DCLK1: variants seen among roughly 807,000 people sequenced by gnomAD.
DCLK1 encodes doublecortin like kinase 1.
A neutral mutation model predicts 86.2 loss-of-function variants in DCLK1; 16 were observed. That is an observed-to-expected ratio of 0.19 (90% confidence interval 0.13 to 0.28). The LOEUF (loss-of-function observed/expected upper bound fraction) is 0.28. Ranked by LOEUF, DCLK1 falls within the 10% of genes least tolerant of loss-of-function variation. DCLK1 has a pLI of 1.00. For missense variants in DCLK1, 590 were observed against 940.2 expected (o/e 0.63, Z 4.87); for synonymous variants, 369 against 370.5 (o/e 1.00, Z 0.05).
At chr13:36,120,543 C>T (rs144081090) in intron 2 of DCLK1, among the ~76,000 whole-genome samples, 27 of 152,236 alleles carry the variant, frequency 1.8e-4, no homozygotes, top group African/African-American at 6.5e-4. Context: ...ATGATGTTCC[C>T]ACAATGGCAA....
At chr13:35,946,915 T>G (rs193173121) in intron 4 of DCLK1, among the ~76,000 whole-genome samples, 202 of 152,272 alleles carry the variant, frequency 1.3e-3, no homozygotes, top group Non-Finnish European at 2.4e-3. Flanking sequence ...CCACATGAAT[T>G]CTACAGTATT....
chr13:35,972,467 C>T (rs1366191127), intron 3 of DCLK1, among the ~76,000 whole-genome samples: 1 of 152,080 alleles, frequency 6.6e-6, no homozygotes, highest in Admixed American at 6.5e-5. Context: ...ACATAGTATC[C>T]AATAACTATT....
chr13:35,911,692 G>A lies in DCLK1; in HGVS notation c.823+35666C>T, dbSNP rs571150085. On this transcript the variant is annotated intron_variant, in intron 4 of 16. Transcript: ENST00000360631. ...TTTGAAGTACAGCTGCTACTAGGAT[G>A]TGGATCTGAACAATTTCTTGTTCTG... Among the ~76,000 whole-genome samples, 3 of 152,324 alleles carry A rather than the reference G, an allele frequency of 2.0e-5. No individual in the cohort carries two copies. The South Asian group carries it at 6.2e-4, about 32-fold the overall frequency.
At chr13:36,032,182 C>T (rs1882309871) in intron 3 of DCLK1, among the ~76,000 whole-genome samples, 1 of 150,614 alleles carries the variant, frequency 6.6e-6, no homozygotes, top group African/African-American at 2.4e-5. Context: ...TGCTCTGTCG[C>T]CTAGGCAGGA....
At chr13:35,917,061 A>AC (rs1875459581) in intron 4 of DCLK1, among the ~76,000 whole-genome samples, 1 of 151,944 alleles carries the variant, frequency 6.6e-6, no homozygotes, top group African/African-American at 2.4e-5. Flanking sequence ...GCCTTGCTTA[A>AC]CCCCCCAGTT....
At chr13:35,864,654 C>T (rs1288858693) in intron 5 of DCLK1, among the ~76,000 whole-genome samples, 12 of 112,616 alleles carry the variant, frequency 1.1e-4, no homozygotes, top group African/African-American at 4.4e-4. Flanking sequence ...TTTCTTCTCT[C>T]TTTTTTTTTT....
chr13:35,897,303 T>A (rs1260105880), intron 4 of DCLK1, among the ~76,000 whole-genome samples: 2 of 151,952 alleles, frequency 1.3e-5, no homozygotes, highest in African/African-American at 4.8e-5. Flanking sequence ...AGCTGAGGAG[T>A]GCAAGGTTGC....
intron 5 of DCLK1, among the ~76,000 whole-genome samples, chr13:35,866,055 T>C (rs1871764798): frequency 6.6e-6 from 1 of 152,150 alleles, no homozygotes; most frequent in Non-Finnish European, 1.5e-5. Context: ...CTTGTGTGTC[T>C]AGAGTACCAG....
intron 4 of DCLK1, among the ~76,000 whole-genome samples, chr13:35,919,420 ATT>A (rs1263408715): frequency 6.6e-6 from 1 of 152,082 alleles, no homozygotes; most frequent in Non-Finnish European, 1.5e-5. Context: ...GGTTTCAAAC[ATT>A]TTAAACAGGG....
At chr13:35,945,571 C>A (rs992863839) in intron 4 of DCLK1, among the ~76,000 whole-genome samples, 4 of 152,204 alleles carry the variant, frequency 2.6e-5, no homozygotes, top group Non-Finnish European at 5.9e-5. Flanking sequence ...AACAAACAGA[C>A]TTTCATTTCA....
At chr13:36,050,307 G>A (rs1381043913) in intron 3 of DCLK1, among the ~76,000 whole-genome samples, 2 of 152,066 alleles carry the variant, frequency 1.3e-5, no homozygotes, top group Non-Finnish European at 2.9e-5. Flanking sequence ...ATACTAAAAA[G>A]TTAATTGAAG....
intron 1 of DCLK1, 122 bp from the exon 2 acceptor site, chr13:36,126,278 G>C (rs992929650): frequency 2.6e-6 from 2 of 773,258 alleles, no homozygotes; most frequent in African/African-American, 1.8e-5. Context: ...CCGGGCTGCA[G>C]TGAGATGGCA....
chr13:35,885,230 G>A lies in DCLK1; in HGVS notation c.824-13890C>T, dbSNP rs1055622438. On this transcript the variant is annotated intron_variant, in intron 4 of 16. Coordinates refer to ENST00000360631, the MANE Select transcript of DCLK1 (RefSeq NM_001330071.2). ...CAACCTGAATCCACTTTGGGTAAAT[G>A]AGGTAAGACAAGACTTGGGAAGATT... is the stretch of plus-strand genomic sequence containing the variant. 6.6e-4 allele frequency among the ~76,000 whole-genome samples: 101 copies of A among 152,214 alleles called. 1 individual carries two copies. The highest frequency in any genetic ancestry group is 6.5e-5 in the Admixed American group (1 of 15,280).
intron 3 of DCLK1, among the ~76,000 whole-genome samples, chr13:36,065,551 T>C (rs1883716659): frequency 6.6e-6 from 1 of 152,194 alleles, no homozygotes; most frequent in African/African-American, 2.4e-5. Flanking sequence ...GTAAGAAATA[T>C]GTCTGACAAA....
chr13:35,999,520 C>T (rs567087273), intron 3 of DCLK1, among the ~76,000 whole-genome samples: 1 of 152,162 alleles, frequency 6.6e-6, no homozygotes, highest in African/African-American at 2.4e-5. Flanking sequence ...AATAGAAAAT[C>T]CCTGCTTCTT....
At chr13:36,057,463 C>T (rs1323650380) in intron 3 of DCLK1, among the ~76,000 whole-genome samples, 4 of 152,264 alleles carry the variant, frequency 2.6e-5, no homozygotes, top group Non-Finnish European at 5.9e-5. Flanking sequence ...CTATTTAAGG[C>T]AGACATCAAT....
chr13:35,935,713 G>A (rs961279863), intron 4 of DCLK1, among the ~76,000 whole-genome samples: 2 of 152,168 alleles, frequency 1.3e-5, no homozygotes, highest in African/African-American at 4.8e-5. Context: ...GGTTAGAGAT[G>A]TATACCTCAA....
In DCLK1 at chr13:35,805,706, C is replaced by G; in HGVS notation, c.1937G>C (p.Trp646Ser). 1 of 1,613,648 alleles carries G rather than the reference C, an allele frequency of 6.2e-7. No individual in the cohort carries two copies. Among genetic ancestry groups the G allele is most frequent in the Non-Finnish European group, 8.5e-7 (1 of 1,179,798 alleles). The stretch of plus-strand genomic sequence containing the variant: ...ATGGTGCGAGTCACTTACATTAACC[C>G]AGGGATGCTCAAGTACTTGAACAGC... ...FSAVQVLEHP[W>S]VNDDGLPENE... The change falls in exon 15 of 17, where the codon TGG becomes TCG. Residue 646 changes from tryptophan to serine, a missense_variant. Physicochemically the swap from Trp to Ser is radical, Grantham distance 177. Coordinates refer to ENST00000360631, the MANE Select transcript of DCLK1 (RefSeq NM_001330071.2).
At chr13:35,989,670 G>C (rs1223195035) in intron 3 of DCLK1, among the ~76,000 whole-genome samples, 1 of 150,574 alleles carries the variant, frequency 6.6e-6, no homozygotes, top group Non-Finnish European at 1.5e-5. Flanking sequence ...GGCCTCCTGA[G>C]TAGCTAGGAC....
Sources: allele counts gnomAD v4.1 joint callset (sites outside exome capture counted in the v4.1 genomes callset), GRCh38; gene constraint gnomAD v4.1.1; transcripts MANE v1.5; gene names NCBI Gene and HGNC (gene_info 2026-07-23, HGNC 2026-07-21).